Variants in RAB27A observed in about 807,000 individuals in gnomAD.
The protein encoded by RAB27A is ras-related protein Rab-27A.
In RAB27A, 17 loss-of-function variants were observed where a neutral mutation model predicts 20.8. That is an observed-to-expected ratio of 0.82 (90% confidence interval 0.56 to 1.23). The LOEUF (loss-of-function observed/expected upper bound fraction) is 1.23, where lower values mean the gene tolerates loss of function less well. RAB27A is among the 50% of genes most tolerant of loss of function. The pLI is 0.00. For missense variants in RAB27A, 277 were observed against 266.7 expected (o/e 1.04, Z -0.27); for synonymous variants, 85 against 92.8 (o/e 0.92, Z 0.48).
chr15:55,275,258 AC>A (rs936965689), intron 1 of RAB27A, among the ~76,000 whole-genome samples: 1 of 151,412 alleles, frequency 6.6e-6, no homozygotes, highest in Non-Finnish European at 1.5e-5. Flanking sequence ...TCTAACAACA[AC>A]AAAAAAAAAA....
chr15:55,237,327 A>C (rs777369173), intron 2 of RAB27A: 1 of 152,006 alleles, frequency 6.6e-6, no homozygotes, highest in Non-Finnish European at 1.5e-5. Flanking sequence ...TTATGCTGAA[A>C]ACTCCTGAAT....
chr15:55,312,247 CA>C (rs1406687793), intron 2 of RAB27A, among the ~76,000 whole-genome samples: 3 of 152,154 alleles, frequency 2.0e-5, no homozygotes, highest in East Asian at 3.9e-4. Flanking sequence ...CGGCAAACAA[CA>C]GGGGTGGACG....
chr15:55,268,396 A>G (rs1354735937), intron 2 of RAB27A, among the ~76,000 whole-genome samples: 3 of 152,194 alleles, frequency 2.0e-5, no homozygotes, highest in African/African-American at 7.2e-5. Flanking sequence ...TCTGAGCCTC[A>G]ATTTCTTCAT....
intron 2 of RAB27A, among the ~76,000 whole-genome samples, chr15:55,311,104 T>C (rs12915465): frequency 0.077 from 11,725 of 152,272 alleles, 562 homozygotes; most frequent in Non-Finnish European, 0.096. Flanking sequence ...CTCTTTCCTC[T>C]GTTGTCACCC....
rs779903920 is a variant in RAB27A at position 55,205,492 on chromosome 15, C to T, written c.*15G>A. 7.4e-6 allele frequency: 12 copies of T among 1,611,512 alleles called. No homozygotes were observed. The South Asian group carries it at 8.8e-5, about 12-fold the overall frequency. On this transcript the variant is annotated 3_prime_UTR_variant, in exon 7 of 7. Coordinates refer to ENST00000336787, the MANE Select transcript of RAB27A (RefSeq NM_183235.3). ...GCATGGGCCACCTGAACTACTATGTCGCTTACTTGACTTCTCAACAGCCAC... is the reference window on the plus strand; with the variant it reads ...GCATGGGCCACCTGAACTACTATGTTGCTTACTTGACTTCTCAACAGCCAC...
chr15:55,311,172 C>A (rs2055018991), intron 2 of RAB27A, among the ~76,000 whole-genome samples: 1 of 152,188 alleles, frequency 6.6e-6, no homozygotes, highest in Non-Finnish European at 1.5e-5. Flanking sequence ...GCAGTTATGG[C>A]AGCACTTCTC....
At position 55,282,256 on chromosome 15, in the gene RAB27A, C is replaced by T. The variant is rs148391970; in HGVS notation, c.-143+7460G>A. Reference sequence around the variant, plus strand: ...CAATCAAGAAGTATTAGAATAAGAACATAAAAAGAACACACCAGGAAACCA... The same window carrying T: ...CAATCAAGAAGTATTAGAATAAGAATATAAAAAGAACACACCAGGAAACCA... On this transcript the variant is annotated intron_variant, in intron 1 of 6. Transcript: ENST00000336787. 7.9e-3 allele frequency among the ~76,000 whole-genome samples: 1,204 copies of T among 152,274 alleles called. 7 individuals carry two copies. The highest frequency in any genetic ancestry group is 0.014 in the Middle Eastern group (4 of 294).
rs376912811 is a variant in RAB27A, at chr15:55,246,030, G to A, written c.-22-11074C>T. Among the ~76,000 whole-genome samples, 33 of 152,096 alleles carry A rather than the reference G, an allele frequency of 2.2e-4. No homozygotes were observed. The East Asian group carries it at 3.7e-3, about 17-fold the overall frequency. ...ATCCGGTAGGTTCACGGGCGATAAT[G>A]CCACTGCACTCCAGCCTGGGCGACA... On this transcript the variant is annotated intron_variant, in intron 2 of 6. Coordinates refer to ENST00000336787, the MANE Select transcript of RAB27A (RefSeq NM_183235.3).
At chr15:55,279,107 A>G (rs1407602629) in intron 1 of RAB27A, among the ~76,000 whole-genome samples, 2 of 152,216 alleles carry the variant, frequency 1.3e-5, no homozygotes, top group African/African-American at 4.8e-5. Context: ...CAAAGCCAAA[A>G]TATGGCCTAG....
intron 6 of RAB27A, among the ~76,000 whole-genome samples, chr15:55,213,902 A>G (rs970045710): frequency 6.6e-6 from 1 of 152,244 alleles, no homozygotes; most frequent in Admixed American, 6.5e-5. Context: ...ATATGTTTGA[A>G]TCATTCCAAA....
At chr15:55,266,274 C>G (rs1336430200) in intron 2 of RAB27A, among the ~76,000 whole-genome samples, 3 of 152,184 alleles carry the variant, frequency 2.0e-5, no homozygotes, top group African/African-American at 7.2e-5. Context: ...TCACCAAAAT[C>G]TGAGCATGCT....
At chr15:55,232,535 A>G (rs1476780370) in intron 3 of RAB27A, among the ~76,000 whole-genome samples, 3 of 152,198 alleles carry the variant, frequency 2.0e-5, no homozygotes, top group African/African-American at 7.2e-5. Context: ...TTAGACAAAG[A>G]CTTTACATCA....
At chr15:55,209,280 C>T (rs1894803716) in intron 6 of RAB27A, among the ~76,000 whole-genome samples, 1 of 152,168 alleles carries the variant, frequency 6.6e-6, no homozygotes, top group Admixed American at 6.5e-5. Context: ...ATCAATCTCT[C>T]TTCATCCTCC....
At chr15:55,256,516 G>A (rs1487961289) in intron 2 of RAB27A, among the ~76,000 whole-genome samples, 2 of 152,232 alleles carry the variant, frequency 1.3e-5, no homozygotes, top group African/African-American at 4.8e-5. Flanking sequence ...TAGCTAGATA[G>A]TGAAGAATAG....
intron 1 of RAB27A, among the ~76,000 whole-genome samples, chr15:55,273,551 GA>G (rs975070485): frequency 1.3e-5 from 2 of 152,042 alleles, no homozygotes; most frequent in Admixed American, 1.3e-4. Context: ...TAAAGGGATG[GA>G]AAAAAATATT....
At chr15:55,288,758 T>C (rs1156403069) in intron 1 of RAB27A, 1 of 151,870 alleles carries the variant, frequency 6.6e-6, no homozygotes, top group Admixed American at 6.6e-5. Context: ...TCTTCACTTC[T>C]AACCATCTGC....
chr15:55,226,543 A>G (rs957428828), intron 5 of RAB27A, among the ~76,000 whole-genome samples: 2 of 150,980 alleles, frequency 1.3e-5, no homozygotes, highest in African/African-American at 4.9e-5. Context: ...GTGAGTGTGT[A>G]TTTGTGTGTA....
Position 55,210,071 on chromosome 15 carries a change from C to CATGTACAT in RAB27A, c.468-4367_468-4366insATGTACAT, listed in dbSNP as rs1566896797. 5.2e-4 allele frequency among the ~76,000 whole-genome samples: 67 copies of CATGTACAT among 128,530 alleles called. 1 individual carries two copies. The highest frequency in any genetic ancestry group is 2.1e-3 in the African/African-American group (62 of 29,194). The allele number at this position is 128,530 out of a possible 152,430, so 84.3% of individuals were successfully genotyped here. A position where few individuals can be genotyped will look rare whatever the true frequency, so the allele number is the denominator to read the frequency against. Reference sequence around the variant, plus strand: ...ACATATATACACATATGTGTGTGTACATATACATATATACACATATATGTG... The same window carrying CATGTACAT: ...ACATATATACACATATGTGTGTGTACATGTACATATATACATATATACACATATATGTG... On this transcript the variant is annotated intron_variant, in intron 6 of 6. Transcript: ENST00000336787.
intron 1 of RAB27A, among the ~76,000 whole-genome samples, chr15:55,278,532 G>A (rs1897932906): frequency 6.7e-6 from 1 of 149,820 alleles, no homozygotes; most frequent in Admixed American, 6.7e-5. Flanking sequence ...ACCCAGGCTG[G>A]AGTGCAGTGG....
Sources: gnomAD v4.1 joint callset for allele counts (sites outside exome capture counted in the v4.1 genomes callset) on GRCh38, gnomAD v4.1.1 for gene constraint, MANE v1.5 for transcripts, NCBI Gene and HGNC (gene_info 2026-07-23, HGNC 2026-07-21) for gene names.